The following FRYL variants were observed in gnomAD, a reference collection of about 807,000 sequenced individuals.
The protein encoded by FRYL is protein furry homolog-like.
A neutral mutation model predicts 351.2 loss-of-function variants in FRYL; 150 were observed. That is an observed-to-expected ratio of 0.43 (90% CI 0.37 to 0.49). The LOEUF (loss-of-function observed/expected upper bound fraction) is 0.49, where lower values mean the gene tolerates loss of function less well. FRYL is among the 20% of genes least tolerant of loss of function. The pLI, the probability that FRYL is intolerant of heterozygous loss-of-function variation, is 0.00. For synonymous variants in FRYL, 1,153 were observed against 1,257.1 expected (o/e 0.92, Z 1.75); for missense variants, 3,036 against 3,619.3 (o/e 0.84, Z 4.13).
intron 3 of FRYL, among the ~76,000 whole-genome samples, chr4:48,674,997 C>A (rs537650606): frequency 6.6e-6 from 1 of 152,166 alleles, no homozygotes; most frequent in Non-Finnish European, 1.5e-5. Context: ...GTCTTTTTGC[C>A]TAAAACGAAA....
intron 4 of FRYL, among the ~76,000 whole-genome samples, chr4:48,633,634 T>A (rs1239861933): frequency 6.6e-6 from 1 of 152,216 alleles, no homozygotes; most frequent in African/African-American, 2.4e-5. Context: ...CTTTAACCCT[T>A]AACTTTCATT....
intron 1 of FRYL, among the ~76,000 whole-genome samples, chr4:48,730,835 A>G (rs1397579493): frequency 6.6e-6 from 1 of 152,216 alleles, no homozygotes; most frequent in Non-Finnish European, 1.5e-5. Context: ...ACCAGCTAGC[A>G]TCATAATGAC....
chr4:48,513,010 G>A (rs1050654599), intron 56 of FRYL, among the ~76,000 whole-genome samples: 2 of 151,132 alleles, frequency 1.3e-5, no homozygotes, highest in African/African-American at 4.9e-5. Context: ...CATTTTCAAT[G>A]GTCAATTTTG....
At position 48,679,435 on chromosome 4, in the gene FRYL, C is replaced by T. The variant is rs78135559; in HGVS notation, c.-81+5238G>A. Among the ~76,000 whole-genome samples, 552 of 152,076 alleles carry T rather than the reference C, an allele frequency of 3.6e-3. 5 individuals are homozygous for T. Among genetic ancestry groups the T allele is most frequent in the Middle Eastern group, 0.017 (5 of 294 alleles). The stretch of plus-strand genomic sequence containing the variant: ...ATAAGGTAATGGGAACTCTCATATC[C>T]TACCCTAAGGAGCTTAAAATGATAA... On this transcript the variant is annotated intron_variant, in intron 3 of 63. Transcript: ENST00000358350.
At chr4:48,609,694 G>C in intron 8 of FRYL, 50 bp downstream of exon 8, 1 of 848,280 alleles carries the variant, frequency 1.2e-6, no homozygotes, top group Admixed American at 2.2e-5. Context: ...AAATAGTCTA[G>C]ACCTGGATTG....
At chr4:48,515,832 G>A (rs946213434) in intron 55 of FRYL, among the ~76,000 whole-genome samples, 1 of 151,954 alleles carries the variant, frequency 6.6e-6, no homozygotes, top group African/African-American at 2.4e-5. Context: ...TATGTGCTTT[G>A]GTAAAATATC....
At position 48,570,814 on chromosome 4, in the gene FRYL, A is replaced by C. The variant is rs1312727166; in HGVS notation, c.2996+13T>G. On this transcript the variant is annotated intron_variant, in intron 27 of 63. Coordinates refer to ENST00000358350, the MANE Select transcript of FRYL (RefSeq NM_015030.2). ...TCATTCCAGAGTTTTAACAATGTGA[A>C]TCCAATACTGACCTGTGACTAATGA... The C allele has an allele frequency of 6.3e-7, 1 of 1,575,856 alleles. No individual in the cohort carries two copies. Among genetic ancestry groups the C allele is most frequent in the South Asian group, 1.1e-5 (1 of 90,314 alleles).
At position 48,620,749 on chromosome 4, in the gene FRYL, C is replaced by T. The variant is rs1281143511; in HGVS notation, c.204G>A (p.Glu68=). Residue 68 remains glutamate, a synonymous_variant, in exon 6 of 64, where the codon GAG becomes GAA. Coordinates refer to ENST00000358350, the MANE Select transcript of FRYL (RefSeq NM_015030.2). ...QLISSMSSVA[E]HCLPSLLRTL... ...TGCGAAGTAAGGAAGGGAGACAGTG[C>T]TCTGCTACTGAGCTCATAGAGCTTA... is the stretch of plus-strand genomic sequence containing the variant. 6.2e-7 allele frequency: 1 copy of T among 1,613,854 alleles called. No homozygotes were observed. Among genetic ancestry groups the T allele is most frequent in the South Asian group, 1.1e-5 (1 of 91,054 alleles).
intron 1 of FRYL, among the ~76,000 whole-genome samples, chr4:48,779,768 A>AG (rs1776462148): frequency 1.3e-5 from 2 of 151,616 alleles, no homozygotes; most frequent in African/African-American, 4.8e-5. Context: ...CTGGAGGGGA[A>AG]GGGGACGTGC....
intron 13 of FRYL, among the ~76,000 whole-genome samples, chr4:48,596,657 G>A (rs1042923956): frequency 1.3e-5 from 2 of 151,956 alleles, no homozygotes; most frequent in Non-Finnish European, 2.9e-5. Context: ...ACAGTACCTG[G>A]CATGTATTAA....
intron 2 of FRYL, among the ~76,000 whole-genome samples, chr4:48,691,514 T>C (rs1765679008): frequency 6.6e-6 from 1 of 152,208 alleles, no homozygotes; most frequent in Non-Finnish European, 1.5e-5. Context: ...TGTCTCAGTA[T>C]TCAATCTCCG....
At chr4:48,605,150 C>T (rs1201501186) in intron 11 of FRYL, among the ~76,000 whole-genome samples, 1 of 152,182 alleles carries the variant, frequency 6.6e-6, no homozygotes, top group Non-Finnish European at 1.5e-5. Context: ...AAATAAACCA[C>T]TTGCAAACCT....
At chr4:48,584,527 T>A (rs1399070500) in intron 19 of FRYL, among the ~76,000 whole-genome samples, 2 of 152,134 alleles carry the variant, frequency 1.3e-5, no homozygotes, top group Non-Finnish European at 2.9e-5. Flanking sequence ...AGCCCAGTAT[T>A]CTGTCTCTAA....
rs1453526632 is a variant in FRYL at position 48,615,105 on chromosome 4, C to T, written c.411+4169G>A. On this transcript the variant is annotated intron_variant, in intron 7 of 63. Transcript: ENST00000358350. ...CCTCACAAAGTGCTAGGATTACAGGCGTGAGCCACCGCGCCCGGCCAGTTT... is the reference window on the plus strand; with the variant it reads ...CCTCACAAAGTGCTAGGATTACAGGTGTGAGCCACCGCGCCCGGCCAGTTT... Among the ~76,000 whole-genome samples the T allele has an allele frequency of 4.6e-5, 7 of 152,178 alleles. 1 individual carries two copies. In the South Asian group the frequency reaches 6.2e-4, roughly 13 times the overall value.
chr4:48,632,106 A>G (rs1028651522), intron 4 of FRYL, among the ~76,000 whole-genome samples: 682 of 58,026 alleles, frequency 0.012, 15 homozygotes, highest in African/African-American at 0.033. Flanking sequence ...ATATATATAT[A>G]TATATATATA....
At position 48,579,234 on chromosome 4, in the gene FRYL, A is replaced by C; in HGVS notation, c.2267T>G (p.Leu756Trp). ...ATCTATCGAGCTAGGGCAATAGAGCAAAGTAGTCTATATGGAGAGGAAAAA... is the reference window on the plus strand; with the variant it reads ...ATCTATCGAGCTAGGGCAATAGAGCCAAGTAGTCTATATGGAGAGGAAAAA... ...IHLTGADQTT[L>W]LYCPSSIDLQ... The change falls in exon 23 of 64, where the codon TTG becomes TGG. Residue 756 changes from leucine (L) to tryptophan (W), a missense_variant. Around this residue, in one of 7 missense-constraint regions of FRYL, gnomAD observed 492 missense variants for 551.5 expected, o/e 0.89. Coordinates refer to ENST00000358350, the MANE Select transcript of FRYL (RefSeq NM_015030.2). The C allele has an allele frequency of 6.2e-7, 1 of 1,608,322 alleles. No individual in the cohort carries two copies. Among genetic ancestry groups the C allele is most frequent in the Non-Finnish European group, 8.5e-7 (1 of 1,177,678 alleles).
chr4:48,522,185 G>A (rs1258577271), intron 54 of FRYL, among the ~76,000 whole-genome samples: 2 of 152,146 alleles, frequency 1.3e-5, no homozygotes, highest in Admixed American at 6.5e-5. Flanking sequence ...AGAAGCTGAG[G>A]CAAGAGGATC....
At chr4:48,576,322 G>C in intron 23 of FRYL, 100 bp from the exon 24 acceptor site, 1 of 845,718 alleles carries the variant, frequency 1.2e-6, no homozygotes. Context: ...TTTTTTTTGA[G>C]ACAGAGTGTC....
intron 28 of FRYL, among the ~76,000 whole-genome samples, chr4:48,566,293 C>T (rs1195200213): frequency 6.6e-6 from 1 of 152,146 alleles, no homozygotes; most frequent in Non-Finnish European, 1.5e-5. Context: ...GTTTGAAAAC[C>T]ACTGGTTTAA....
Sources: allele counts gnomAD v4.1 joint callset (sites outside exome capture counted in the v4.1 genomes callset), GRCh38; gene constraint gnomAD v4.1.1; regional missense constraint gnomAD v4.1.1; transcripts MANE v1.5; gene names NCBI Gene and HGNC (gene_info 2026-07-23, HGNC 2026-07-21).